GLIS1: variants seen among roughly 807,000 people sequenced by gnomAD.
GLIS1 encodes zinc finger protein GLIS1.
In GLIS1, 24 loss-of-function variants were observed where a neutral mutation model predicts 63.8. The ratio of observed to expected loss-of-function variants is 0.38; its 90% CI spans 0.27 to 0.53. The LOEUF (loss-of-function observed/expected upper bound fraction) is 0.53, where lower values mean the gene tolerates loss of function less well. Among genes scored for constraint, GLIS1 ranks in the 20% least tolerant of loss-of-function variants. GLIS1 has a pLI of 0.85. For synonymous variants in GLIS1, 450 were observed against 482.5 expected (o/e 0.93, Z 0.88); for missense variants, 1,036 against 1,074.1 (o/e 0.96, Z 0.50).
At position 53,646,891 on chromosome 1, in the gene GLIS1, GAAGGAAGGA is replaced by G. The variant is rs972712485; in HGVS notation, c.260-46622_260-46614del. On this transcript the variant is annotated intron_variant, in intron 2 of 10. Transcript: ENST00000628545. This position sits in a 1 kb window ranked among gnomAD's most constrained non-coding sequence, Gnocchi z 4.2. ...GGAAGGAAGGAAGGAGAAGGGAAGG[GAAGGAAGGA>G]AAGGAAGGAAGGGAAGGAAGGAAGG... Among the ~76,000 whole-genome samples the G allele has an allele frequency of 8.8e-5, 13 of 147,416 alleles. No homozygotes were observed. The highest frequency in any genetic ancestry group is 6.0e-5 in the Non-Finnish European group (4 of 66,728).
At chr1:53,717,763 GT>G (rs1340487719) in intron 2 of GLIS1, among the ~76,000 whole-genome samples, 1 of 151,916 alleles carries the variant, frequency 6.6e-6, no homozygotes, top group Non-Finnish European at 1.5e-5. Context: ...TGATTACTGT[GT>G]TTTCCCCCAT....
At chr1:53,675,067 T>C (rs774869798) in intron 2 of GLIS1, among the ~76,000 whole-genome samples, 4 of 152,332 alleles carry the variant, frequency 2.6e-5, no homozygotes, top group South Asian at 4.1e-4. Context: ...AGGAGACTCA[T>C]GGGCTGAAGG....
chr1:53,720,410 G>T (rs75151472), intron 2 of GLIS1, among the ~76,000 whole-genome samples: 2 of 152,132 alleles, frequency 1.3e-5, no homozygotes, highest in Non-Finnish European at 2.9e-5. Context: ...GAAAAATACC[G>T]TAACTTCCTT....
At chr1:53,616,670 T>C (rs952807000) in intron 2 of GLIS1, among the ~76,000 whole-genome samples, 7 of 151,958 alleles carry the variant, frequency 4.6e-5, no homozygotes, top group African/African-American at 1.7e-4. Flanking sequence ...TGGGTCTCCA[T>C]GAGAAGGACT....
At chr1:53,506,857 C>A in intron 10 of GLIS1, 81 bp from the exon 11 acceptor site, 1 of 1,385,258 alleles carries the variant, frequency 7.2e-7, no homozygotes, top group Non-Finnish European at 9.8e-7. Flanking sequence ...AGGCCCCACC[C>A]CGCCTGCCCA....
intron 2 of GLIS1, among the ~76,000 whole-genome samples, chr1:53,704,146 A>G (rs1402273076): frequency 1.3e-5 from 2 of 152,206 alleles, no homozygotes; most frequent in Non-Finnish European, 2.9e-5. Flanking sequence ...TGGCCTTTGA[A>G]AAGTCTTCTC....
intron 2 of GLIS1, among the ~76,000 whole-genome samples, chr1:53,622,476 C>T (rs968528226): frequency 2.0e-5 from 3 of 150,114 alleles, no homozygotes. Context: ...GAAGATATTC[C>T]ATGTCAAATC....
chr1:53,687,394 C>T (rs1646348869), intron 2 of GLIS1, among the ~76,000 whole-genome samples: 1 of 152,186 alleles, frequency 6.6e-6, no homozygotes, highest in Admixed American at 6.5e-5. Context: ...TATTTACTCC[C>T]AGTCATTCCA....
intron 2 of GLIS1, among the ~76,000 whole-genome samples, chr1:53,604,912 ATGTGTGTGTGTG>A (rs763835438): frequency 1.1e-4 from 4 of 36,862 alleles, no homozygotes; most frequent in South Asian, 1.3e-3. Context: ...ATATATATAT[ATGTGTGTGTGTG>A]TGTGTGTGTA....
intron 2 of GLIS1, among the ~76,000 whole-genome samples, chr1:53,644,380 C>A (rs936876786): frequency 1.3e-5 from 2 of 152,214 alleles, no homozygotes; most frequent in African/African-American, 4.8e-5. Context: ...TATTCACAAA[C>A]AAATTCATTA....
At chr1:53,632,278 G>T (rs1186437598) in intron 2 of GLIS1, among the ~76,000 whole-genome samples, 1 of 150,218 alleles carries the variant, frequency 6.7e-6, no homozygotes, top group Non-Finnish European at 1.5e-5. Flanking sequence ...ATGTGAATGA[G>T]TGTGACTGAG....
rs1017194158 is a variant in GLIS1 at position 53,623,883 on chromosome 1, TGAGA to T, written c.260-23609_260-23606del. On this transcript the variant is annotated intron_variant, in intron 2 of 10. Coordinates refer to ENST00000628545, the MANE Select transcript of GLIS1 (RefSeq NM_001367484.1). ...TGAAAAATAGACCTTTCACTGCTAC[TGAGA>T]GAAAGCAAAGAAAACCTTAATAAAT... Among the ~76,000 whole-genome samples the T allele has an allele frequency of 5.9e-5, 9 of 152,286 alleles. 1 individual carries two copies. In the South Asian group the frequency reaches 1.4e-3, roughly 25 times the overall value.
At chr1:53,731,981 AG>A (rs755295451) in intron 2 of GLIS1, among the ~76,000 whole-genome samples, 3 of 152,236 alleles carry the variant, frequency 2.0e-5, no homozygotes, top group Non-Finnish European at 2.9e-5. Flanking sequence ...CAAGGCTCAA[AG>A]CACAGGGCAC....
chr1:53,561,507 T>C (rs1644891844), intron 4 of GLIS1, among the ~76,000 whole-genome samples: 1 of 152,214 alleles, frequency 6.6e-6, no homozygotes, highest in South Asian at 2.1e-4. Context: ...CCTTAAATAA[T>C]TTCTGTGTAA....
intron 4 of GLIS1, among the ~76,000 whole-genome samples, chr1:53,582,785 T>C (rs1645098810): frequency 6.6e-6 from 1 of 152,232 alleles, no homozygotes. Flanking sequence ...ATCCTCTCTA[T>C]GGGCCTCAGT....
intron 2 of GLIS1, among the ~76,000 whole-genome samples, chr1:53,648,022 A>T (rs1645865238): frequency 6.6e-6 from 1 of 152,046 alleles, no homozygotes; most frequent in East Asian, 1.9e-4. Flanking sequence ...AAAACAAAAA[A>T]TTAGCCAGGC....
At chr1:53,679,152 C>A (rs946970967) in intron 2 of GLIS1, among the ~76,000 whole-genome samples, 1 of 152,150 alleles carries the variant, frequency 6.6e-6, no homozygotes. Flanking sequence ...CCTCCACTAC[C>A]TCCAGGCCAC....
intron 4 of GLIS1, among the ~76,000 whole-genome samples, chr1:53,552,460 T>C (rs1434738814): frequency 6.6e-6 from 1 of 152,228 alleles, no homozygotes; most frequent in Non-Finnish European, 1.5e-5. Context: ...CCCTGCTCAT[T>C]GATGATGAAA....
chr1:53,651,905 G>A (rs1280189798), intron 2 of GLIS1, among the ~76,000 whole-genome samples: 3 of 151,466 alleles, frequency 2.0e-5, no homozygotes, highest in Non-Finnish European at 4.4e-5. Flanking sequence ...ATTGACAAGC[G>A]GGGCACCCCA....
Sources: allele counts gnomAD v4.1 joint callset (sites outside exome capture counted in the v4.1 genomes callset), GRCh38; gene constraint gnomAD v4.1.1; non-coding constraint Gnocchi (gnomAD v3.1); transcripts MANE v1.5; gene names NCBI Gene and HGNC (gene_info 2026-07-23, HGNC 2026-07-21).